CCDC171: variants seen among roughly 807,000 people sequenced by gnomAD.
CCDC171 encodes the protein coiled-coil domain containing 171.
In CCDC171, 177 loss-of-function variants were observed where a neutral mutation model predicts 168.2. That is an observed-to-expected ratio of 1.05 (90% CI 0.93 to 1.19). The LOEUF (loss-of-function observed/expected upper bound fraction) is 1.19, where lower values mean the gene tolerates loss of function less well. CCDC171 is among the 50% of genes most tolerant of loss of function. The probability of loss-of-function intolerance (pLI) is 0.00; values close to 1 mark genes in which losing one functional copy is unlikely to be tolerated. For missense variants in CCDC171, 1,991 were observed against 1,539.0 expected (o/e 1.29, Z -4.91); for synonymous variants, 687 against 540.8 (o/e 1.27, Z -3.75).
At chr9:15,935,255 T>C (rs1826980241) in intron 25 of CCDC171, among the ~76,000 whole-genome samples, 2 of 152,044 alleles carry the variant, frequency 1.3e-5, no homozygotes, top group East Asian at 3.9e-4. Context: ...GATGGCAATA[T>C]GTTGTAGTGG....
chr9:16,033,308 G>A (rs189730139), intron 6 of CCDC171, among the ~76,000 whole-genome samples: 106 of 152,322 alleles, frequency 7.0e-4, no homozygotes, highest in African/African-American at 2.4e-3. Context: ...AACAGGAGGT[G>A]AGTGGCAGGA....
At chr9:16,009,851 T>A (rs1832816110) in intron 3 of CCDC171, among the ~76,000 whole-genome samples, 1 of 152,100 alleles carries the variant, frequency 6.6e-6, no homozygotes, top group South Asian at 2.1e-4. Context: ...AGGAAAAAAA[T>A]AAATCTTGAA....
chr9:15,724,750 A>G (rs201777863), intron 13 of CCDC171, 26 bp from the exon 14 acceptor site: 1,235 of 1,568,562 alleles, frequency 7.9e-4, no homozygotes, highest in Non-Finnish European at 9.6e-4. Flanking sequence ...CCTTTCTACA[A>G]TCTCTTTATT....
chr9:15,673,837 T>C (rs1478879166), intron 9 of CCDC171, among the ~76,000 whole-genome samples: 2 of 152,206 alleles, frequency 1.3e-5, no homozygotes, highest in Non-Finnish European at 2.9e-5. Context: ...TGCCAGGCTT[T>C]GGCATCTGGA....
chr9:15,694,398 C>G (rs2051054325), intron 10 of CCDC171, among the ~76,000 whole-genome samples: 1 of 152,184 alleles, frequency 6.6e-6, no homozygotes, highest in African/African-American at 2.4e-5. Flanking sequence ...TGTTATTTGA[C>G]AGGCATTGTG....
At chr9:15,945,428 A>C (rs1451633757) in intron 25 of CCDC171, among the ~76,000 whole-genome samples, 1 of 150,966 alleles carries the variant, frequency 6.6e-6, no homozygotes, top group Admixed American at 6.6e-5. Context: ...TGGTATTTCT[A>C]GTTCTAGATC....
the CCDC171 span, among the ~76,000 whole-genome samples, chr9:16,073,714 G>A: frequency 6.6e-6 from 1 of 152,182 alleles, no homozygotes; most frequent in Non-Finnish European, 1.5e-5. Flanking sequence ...CAGCTGATTT[G>A]AGAGAGGCCC....
intron 21 of CCDC171, among the ~76,000 whole-genome samples, chr9:15,796,699 A>G (rs1029069386): frequency 6.6e-6 from 1 of 152,164 alleles, no homozygotes; most frequent in Non-Finnish European, 1.5e-5. Flanking sequence ...CCTGGCAAGT[A>G]TGCCCTCAGG....
intron 5 of CCDC171, among the ~76,000 whole-genome samples, chr9:15,592,877 T>A (rs936239869): frequency 3.9e-5 from 6 of 152,048 alleles, no homozygotes; most frequent in Non-Finnish European, 8.8e-5. Context: ...TATTTTTATT[T>A]TTATTATTAT....
the CCDC171 span, among the ~76,000 whole-genome samples, chr9:16,073,378 C>G: frequency 6.6e-6 from 1 of 152,162 alleles, no homozygotes; most frequent in African/African-American, 2.4e-5. Flanking sequence ...TTTTTAAATT[C>G]CAAGAGCTCT....
chr9:15,893,563 G>A (rs569869208), intron 24 of CCDC171, among the ~76,000 whole-genome samples: 10 of 152,098 alleles, frequency 6.6e-5, no homozygotes, highest in African/African-American at 2.4e-4. Context: ...GAGTCTACAA[G>A]CAACTTAAAC....
chr9:15,640,086 TATCAATGAG>T (rs2046485701), intron 7 of CCDC171, among the ~76,000 whole-genome samples: 1 of 152,218 alleles, frequency 6.6e-6, no homozygotes, highest in African/African-American at 2.4e-5. Flanking sequence ...GTAAAATAAG[TATCAATGAG>T]ATCATCATGA....
intron 1 of CCDC171, among the ~76,000 whole-genome samples, chr9:16,051,271 T>C (rs1833745348): frequency 6.6e-6 from 1 of 152,236 alleles, no homozygotes; most frequent in Non-Finnish European, 1.5e-5. Flanking sequence ...TAATGATTCA[T>C]GTCACTTAGT....
At chr9:16,064,330 C>T (rs1323646862), downstream of CCDC171, among the ~76,000 whole-genome samples, 2 of 152,034 alleles carry the variant, frequency 1.3e-5, no homozygotes, top group Non-Finnish European at 2.9e-5. Context: ...ATGAAGATGG[C>T]CGAATTGTCT....
intron 25 of CCDC171, among the ~76,000 whole-genome samples, chr9:15,922,963 C>T (rs1234493089): frequency 6.6e-6 from 1 of 151,468 alleles, no homozygotes; most frequent in Non-Finnish European, 1.5e-5. Context: ...GGATATTAAT[C>T]CCTGTCACAT....
rs368105574 is a variant in CCDC171, at chr9:15,778,927, C to T, written c.2899-41C>T. 3.6e-5 allele frequency: 48 copies of T among 1,336,004 alleles called. No homozygotes were observed. In the African/African-American group the frequency reaches 4.2e-4, roughly 12 times the overall value. The allele number at this position is 1,336,004 out of a possible 1,614,324, so 82.8% of individuals were successfully genotyped here. A position where few individuals can be genotyped will look rare whatever the true frequency, so the allele number is the denominator to read the frequency against. ...ATGGTTATTGCTATTGTTAGTAAAT[C>T]TGTAGTTACTGTTTATAAAATTGCT... On this transcript the variant is annotated intron_variant, in intron 19 of 25. Coordinates refer to ENST00000380701, the MANE Select transcript of CCDC171 (RefSeq NM_173550.4).
At chr9:15,785,692 G>C (rs1393696640) in intron 21 of CCDC171, among the ~76,000 whole-genome samples, 3 of 151,976 alleles carry the variant, frequency 2.0e-5, no homozygotes, top group Non-Finnish European at 2.9e-5. Context: ...AACAGATACA[G>C]AGAGGTGACA....
intron 6 of CCDC171, among the ~76,000 whole-genome samples, chr9:15,609,356 G>A (rs1401469940): frequency 6.6e-6 from 1 of 152,062 alleles, no homozygotes; most frequent in African/African-American, 2.4e-5. Context: ...TGATCCACCC[G>A]CCTTGGCCTC....
intron 4 of CCDC171, among the ~76,000 whole-genome samples, chr9:15,581,501 G>A (rs1275946538): frequency 1.3e-5 from 2 of 152,158 alleles, no homozygotes; most frequent in African/African-American, 2.4e-5. Flanking sequence ...GAACAAAGCT[G>A]GAGGTATCAC....
Sources: allele counts gnomAD v4.1 joint callset (sites outside exome capture counted in the v4.1 genomes callset), GRCh38; gene constraint gnomAD v4.1.1; transcripts MANE v1.5; gene names NCBI Gene and HGNC (gene_info 2026-07-23, HGNC 2026-07-21).